PHACTR1: variants seen among roughly 807,000 people sequenced by gnomAD.
The protein encoded by PHACTR1 is RPEL repeat containing 1.
In PHACTR1, 16 loss-of-function variants were observed where a neutral mutation model predicts 69.2. The ratio of observed to expected loss-of-function variants is 0.23; its 90% CI spans 0.16 to 0.35. The LOEUF (loss-of-function observed/expected upper bound fraction) is 0.35, where lower values mean the gene tolerates loss of function less well. Among genes scored for constraint, PHACTR1 ranks in the 10% least tolerant of loss-of-function variants. The probability of loss-of-function intolerance (pLI) is 1.00; values close to 1 mark genes in which losing one functional copy is unlikely to be tolerated. For missense variants in PHACTR1, 510 were observed against 734.7 expected (o/e 0.69, Z 3.54); for synonymous variants, 312 against 284.5 (o/e 1.10, Z -0.97).
intron 7 of PHACTR1, among the ~76,000 whole-genome samples, chr6:13,186,836 A>C (rs893062980): frequency 6.6e-6 from 1 of 152,174 alleles, no homozygotes; most frequent in African/African-American, 2.4e-5. Context: ...TGTGCACTTT[A>C]TTTCTATTAT....
chr6:12,876,074 G>GC (rs1311548930), intron 4 of PHACTR1, among the ~76,000 whole-genome samples: 2 of 152,160 alleles, frequency 1.3e-5, no homozygotes, highest in Non-Finnish European at 2.9e-5. Flanking sequence ...AAGGCTGTGA[G>GC]CAGGTAAGGG....
intron 4 of PHACTR1, among the ~76,000 whole-genome samples, chr6:12,967,066 G>A (rs1037752021): frequency 6.6e-6 from 1 of 152,130 alleles, no homozygotes; most frequent in Non-Finnish European, 1.5e-5. Flanking sequence ...CCATGTTCCT[G>A]AGATATTACA....
intron 4 of PHACTR1, among the ~76,000 whole-genome samples, chr6:12,928,454 C>T (rs1788511730): frequency 6.6e-6 from 1 of 152,166 alleles, no homozygotes; most frequent in Admixed American, 6.5e-5. Flanking sequence ...TGGGATTTGT[C>T]TTTCTTTTAT....
At chr6:13,198,252 T>A (rs539078422) in intron 7 of PHACTR1, among the ~76,000 whole-genome samples, 57 of 152,132 alleles carry the variant, frequency 3.7e-4, no homozygotes, top group African/African-American at 1.2e-3. Context: ...ATCAGCAACA[T>A]GTTAAGAAAA....
intron 4 of PHACTR1, among the ~76,000 whole-genome samples, chr6:12,898,427 C>T (rs145660326): frequency 2.6e-5 from 4 of 152,302 alleles, no homozygotes; most frequent in South Asian, 2.1e-4. Flanking sequence ...AGCCTCCACT[C>T]GCCCTCAGCC....
At chr6:13,264,101 A>G (rs1776284569) in intron 10 of PHACTR1, among the ~76,000 whole-genome samples, 1 of 152,268 alleles carries the variant, frequency 6.6e-6, no homozygotes, top group South Asian at 2.1e-4. Flanking sequence ...AACTAAAATA[A>G]GTCATCTTCA....
intron 4 of PHACTR1, among the ~76,000 whole-genome samples, chr6:12,977,323 G>A (rs1795011173): frequency 6.6e-6 from 1 of 151,958 alleles, no homozygotes; most frequent in Admixed American, 6.6e-5. Context: ...AGGAGGGACG[G>A]CTATATATTG....
At chr6:12,724,442 T>A (rs1365614570) in intron 3 of PHACTR1, among the ~76,000 whole-genome samples, 1 of 152,246 alleles carries the variant, frequency 6.6e-6, no homozygotes, top group African/African-American at 2.4e-5. Context: ...GCGGGAATCC[T>A]ATGCTCATGT....
intron 4 of PHACTR1, among the ~76,000 whole-genome samples, chr6:13,020,729 G>A (rs959324794): frequency 2.0e-5 from 3 of 152,214 alleles, no homozygotes; most frequent in Non-Finnish European, 4.4e-5. Flanking sequence ...TGTTTCTAGT[G>A]CTGAGAACGG....
intron 4 of PHACTR1, among the ~76,000 whole-genome samples, chr6:12,752,671 A>G (rs1766775197): frequency 6.6e-6 from 1 of 152,206 alleles, no homozygotes; most frequent in Non-Finnish European, 1.5e-5. Context: ...TGGACTGGGC[A>G]TTTTGAATAC....
chr6:13,036,391 C>G (rs1803311955), intron 4 of PHACTR1, among the ~76,000 whole-genome samples: 1 of 152,176 alleles, frequency 6.6e-6, no homozygotes, highest in African/African-American at 2.4e-5. Context: ...TTTTTAATGG[C>G]TGCATAGACA....
At chr6:13,210,934 G>A (rs1247766837) in intron 8 of PHACTR1, among the ~76,000 whole-genome samples, 2 of 42,818 alleles carry the variant, frequency 4.7e-5, no homozygotes, top group Non-Finnish European at 9.4e-5. Context: ...TTTTTTTTTT[G>A]CATTGAGATT....
intron 5 of PHACTR1, among the ~76,000 whole-genome samples, chr6:13,148,419 A>G (rs1823778058): frequency 6.6e-6 from 1 of 152,192 alleles, no homozygotes; most frequent in Non-Finnish European, 1.5e-5. Flanking sequence ...AAAACTAATT[A>G]TAATTCCCTA....
At chr6:12,909,179 CT>C (rs1339528284) in intron 4 of PHACTR1, among the ~76,000 whole-genome samples, 2 of 152,144 alleles carry the variant, frequency 1.3e-5, no homozygotes, top group Non-Finnish European at 2.9e-5. Flanking sequence ...AAGACTCCAA[CT>C]TTTTCAGTCA....
chr6:13,179,682 GTAGA>G lies in PHACTR1; in HGVS notation c.497-2830_497-2827del, dbSNP rs1245283464. Among the ~76,000 whole-genome samples the G allele has an allele frequency of 3.4e-5, 5 of 147,378 alleles. No homozygotes were observed. In the South Asian group the frequency reaches 6.6e-4, roughly 19 times the overall value. On this transcript the variant is annotated intron_variant, in intron 6 of 14. Coordinates refer to ENST00000332995, the MANE Select transcript of PHACTR1 (RefSeq NM_030948.6). The surrounding 1 kb of genome is among the most constrained non-coding windows in gnomAD (Gnocchi z 4.2). ...GGTAGGAAGATAGGTAGGTAGGTAG[GTAGA>G]TAGATAAGTAGATAGAGATAGATAG...
intron 5 of PHACTR1, among the ~76,000 whole-genome samples, chr6:13,070,841 A>G (rs4615376): frequency 0.28 from 42,458 of 151,864 alleles, 6,785 homozygotes; most frequent in African/African-American, 0.43. Context: ...GCAGCAACCA[A>G]AAAAAAACAA....
chr6:12,937,410 G>A (rs780213143), intron 4 of PHACTR1, among the ~76,000 whole-genome samples: 2 of 151,668 alleles, frequency 1.3e-5, no homozygotes, highest in Non-Finnish European at 2.9e-5. Context: ...GTGCAATGGC[G>A]CAATCTCAGC....
intron 5 of PHACTR1, among the ~76,000 whole-genome samples, chr6:13,080,842 A>G (rs916803886): frequency 3.9e-5 from 6 of 152,194 alleles, no homozygotes; most frequent in Non-Finnish European, 5.9e-5. Flanking sequence ...ATTTTATGTC[A>G]TCCTACGAAA....
intron 4 of PHACTR1, among the ~76,000 whole-genome samples, chr6:13,011,156 C>G (rs1799408555): frequency 6.6e-6 from 1 of 152,198 alleles, no homozygotes; most frequent in Non-Finnish European, 1.5e-5. Context: ...CTAAGAACAG[C>G]ATGGTTTCAT....
Sources: allele counts gnomAD v4.1 joint callset (sites outside exome capture counted in the v4.1 genomes callset), GRCh38; gene constraint gnomAD v4.1.1; non-coding constraint Gnocchi (gnomAD v3.1); transcripts MANE v1.5; gene names NCBI Gene and HGNC (gene_info 2026-07-23, HGNC 2026-07-21).